BMAL2: variants seen among roughly 807,000 people sequenced by gnomAD.
BMAL2 encodes the protein basic helix-loop-helix ARNT like 2.
the BMAL2 span, among the ~76,000 whole-genome samples, chr12:27,406,446 G>T: frequency 2.0e-5 from 3 of 152,058 alleles, no homozygotes; most frequent in African/African-American, 7.2e-5. Flanking sequence ...ATTCAACATT[G>T]TTAAAGAAAA....
the BMAL2 span, among the ~76,000 whole-genome samples, chr12:27,371,046 G>C: frequency 4.6e-5 from 7 of 152,190 alleles, no homozygotes; most frequent in African/African-American, 1.7e-4. Context: ...AAGTGGAAAA[G>C]ATACAAACAA....
the BMAL2 span, among the ~76,000 whole-genome samples, chr12:27,407,683 A>G: frequency 2.0e-5 from 3 of 152,228 alleles, no homozygotes; most frequent in Admixed American, 2.0e-4. Context: ...AATTAAAAGA[A>G]CTAGAGAAGC....
the BMAL2 span, among the ~76,000 whole-genome samples, chr12:27,357,845 A>G: frequency 2.0e-5 from 3 of 152,128 alleles, no homozygotes; most frequent in Non-Finnish European, 4.4e-5. Flanking sequence ...CATCTCTCAC[A>G]TTATACAAAA....
the BMAL2 span, among the ~76,000 whole-genome samples, chr12:27,336,947 CAAAAAAAAAA>C: frequency 3.1e-4 from 23 of 73,822 alleles, no homozygotes; most frequent in Admixed American, 3.6e-3. Flanking sequence ...GAGACTGTCT[CAAAAAAAAAA>C]AAAAAAAAAA....
the BMAL2 span, chr12:27,389,115 A>G: frequency 2.0e-6 from 2 of 1,021,686 alleles, no homozygotes; most frequent in Non-Finnish European, 3.1e-6. Context: ...CATTTATTGT[A>G]TGCATCAAGA....
the BMAL2 span, among the ~76,000 whole-genome samples, chr12:27,349,658 A>G: frequency 6.6e-6 from 1 of 152,218 alleles, no homozygotes; most frequent in South Asian, 2.1e-4. Flanking sequence ...CAACTCAGGC[A>G]AGTAATTAAT....
chr12:27,377,546 T>C, the BMAL2 span: 1 of 152,222 alleles, frequency 6.6e-6, no homozygotes, highest in Non-Finnish European at 1.5e-5. Flanking sequence ...TTAGAAGAGA[T>C]GATCCTTCTA....
At chr12:27,358,938 A>G in the BMAL2 span, among the ~76,000 whole-genome samples, 2 of 144,040 alleles carry the variant, frequency 1.4e-5, no homozygotes, top group African/African-American at 5.9e-5. Context: ...GTTCTTGAAT[A>G]GTGCCAATTA....
the BMAL2 span, chr12:27,401,140 G>A: frequency 3.8e-6 from 3 of 796,008 alleles, no homozygotes; most frequent in Non-Finnish European, 6.3e-6. Flanking sequence ...ATATGCATGG[G>A]TCACTCATCC....
the BMAL2 span, among the ~76,000 whole-genome samples, chr12:27,360,803 C>CAAA: frequency 0.089 from 4,160 of 46,716 alleles, 642 homozygotes; most frequent in Non-Finnish European, 0.1. Flanking sequence ...GTGATTTGTC[C>CAAA]AAAAAAAAAA....
chr12:27,394,415 A>G, the BMAL2 span: 2 of 152,082 alleles, frequency 1.3e-5, no homozygotes, highest in Admixed American at 6.6e-5. Flanking sequence ...TTAACTTTTT[A>G]ATACTTGCCT....
chr12:27,420,273 T>G, the BMAL2 span: 7 of 1,247,352 alleles, frequency 5.6e-6, no homozygotes, highest in African/African-American at 4.5e-5. Flanking sequence ...AAAAATACAT[T>G]TTATGGTTTT....
At chr12:27,389,366 A>C in the BMAL2 span, 78 of 1,058,174 alleles carry the variant, frequency 7.4e-5, no homozygotes, top group Non-Finnish European at 1.0e-4. Flanking sequence ...TTAGCTACAC[A>C]GTGTTTTTAA....
chr12:27,392,239 G>T, the BMAL2 span, among the ~76,000 whole-genome samples: 49 of 152,216 alleles, frequency 3.2e-4, no homozygotes, highest in African/African-American at 1.1e-3. Flanking sequence ...CAATAATAGG[G>T]TTGTTACCAG....
the BMAL2 span, among the ~76,000 whole-genome samples, chr12:27,342,665 G>A: frequency 1.3e-3 from 205 of 152,348 alleles, 1 homozygote; most frequent in South Asian, 0.022. Flanking sequence ...CCTGGTTGGA[G>A]AATTAAATTT....
chr12:27,355,715 A>G, the BMAL2 span, among the ~76,000 whole-genome samples: 10 of 152,206 alleles, frequency 6.6e-5, no homozygotes, highest in East Asian at 1.5e-3. Context: ...GCCGAGCTCT[A>G]TGTCCTTGGA....
At chr12:27,388,658 G>T in the BMAL2 span, among the ~76,000 whole-genome samples, 1 of 152,128 alleles carries the variant, frequency 6.6e-6, no homozygotes, top group East Asian at 1.9e-4. Context: ...TGAGGGGTGG[G>T]ACTGTATCAG....
the BMAL2 span, among the ~76,000 whole-genome samples, chr12:27,356,749 C>G: frequency 6.6e-6 from 1 of 152,090 alleles, no homozygotes; most frequent in East Asian, 1.9e-4. Flanking sequence ...CTAAACATTA[C>G]GTAAGCATTT....
the BMAL2 span, among the ~76,000 whole-genome samples, chr12:27,379,414 A>C: frequency 1.3e-5 from 2 of 152,206 alleles, no homozygotes; most frequent in Admixed American, 6.5e-5. Context: ...TCTCAGGGTG[A>C]ATAAAGAGTG....
Sources: allele counts gnomAD v4.1 joint callset (sites outside exome capture counted in the v4.1 genomes callset), GRCh38; gene constraint gnomAD v4.1.1; transcripts MANE v1.5; gene names NCBI Gene and HGNC (gene_info 2026-07-23, HGNC 2026-07-21).